ZNF682: variants seen among roughly 807,000 people sequenced by gnomAD.
ZNF682 encodes the protein zinc finger protein 682.
In ZNF682, 29 loss-of-function variants were observed where a neutral mutation model predicts 36.5. The observed-to-expected ratio is 0.80, with a 90% CI of 0.59 to 1.08. The LOEUF (loss-of-function observed/expected upper bound fraction) is 1.08. Among genes scored for constraint, ZNF682 ranks in the 50% least tolerant of loss-of-function variants. The pLI, the probability that ZNF682 is intolerant of heterozygous loss-of-function variation, is 0.00. For synonymous variants in ZNF682, 180 were observed against 197.0 expected (o/e 0.91, Z 0.72); for missense variants, 561 against 579.7 (o/e 0.97, Z 0.33).
intron 3 of ZNF682, among the ~76,000 whole-genome samples, chr19:20,011,399 A>G (rs1387209747): frequency 6.6e-6 from 1 of 152,220 alleles, no homozygotes; most frequent in Non-Finnish European, 1.5e-5. Context: ...TACAGATAGC[A>G]TTACAGATCA....
downstream of ZNF682, among the ~76,000 whole-genome samples, chr19:20,002,305 G>C (rs1436285409): frequency 6.6e-6 from 1 of 150,838 alleles, no homozygotes; most frequent in African/African-American, 2.4e-5. Flanking sequence ...ATGTTGACCA[G>C]GATGGTCTTG....
chr19:20,009,460 A>C (rs1423457993), intron 3 of ZNF682, among the ~76,000 whole-genome samples: 1 of 152,232 alleles, frequency 6.6e-6, no homozygotes, highest in African/African-American at 2.4e-5. Flanking sequence ...ATACGTAAGG[A>C]TATAATCTAC....
intron 3 of ZNF682, among the ~76,000 whole-genome samples, chr19:20,019,261 G>A (rs1016310840): frequency 2.0e-5 from 3 of 152,038 alleles, no homozygotes; most frequent in Admixed American, 6.6e-5. Flanking sequence ...AAAGTGTTAC[G>A]GATATGGAAA....
chr19:20,014,195 T>TA (rs2122333697), intron 3 of ZNF682, among the ~76,000 whole-genome samples: 1 of 152,312 alleles, frequency 6.6e-6, no homozygotes, highest in East Asian at 1.9e-4. Context: ...AAGAAAGGTG[T>TA]TGGAAGCATC....
intron 1 of ZNF682, 28 bp from the exon 2 acceptor site, chr19:20,024,404 C>T (rs1568544320): frequency 6.3e-7 from 1 of 1,594,724 alleles, no homozygotes; most frequent in East Asian, 2.2e-5. Flanking sequence ...ACATAGTGAC[C>T]AACTGTCAAT....
At chr19:20,017,512 C>T (rs1274050473) in intron 3 of ZNF682, among the ~76,000 whole-genome samples, 1 of 152,058 alleles carries the variant, frequency 6.6e-6, no homozygotes, top group Non-Finnish European at 1.5e-5. Flanking sequence ...GAATCTATAA[C>T]ACATATAACT....
intron 1 of ZNF682, among the ~76,000 whole-genome samples, chr19:20,027,735 G>A (rs2088444120): frequency 6.6e-6 from 1 of 151,510 alleles, no homozygotes; most frequent in African/African-American, 2.4e-5. Context: ...CTCCAGCCTG[G>A]GCAACAAGAG....
intron 1 of ZNF682, among the ~76,000 whole-genome samples, chr19:20,025,247 T>C (rs1210700930): frequency 6.6e-6 from 1 of 152,204 alleles, no homozygotes; most frequent in Non-Finnish European, 1.5e-5. Flanking sequence ...AAAGGGAAGT[T>C]TGCAGATTAA....
downstream of ZNF682, among the ~76,000 whole-genome samples, chr19:20,002,775 G>C (rs1224614704): frequency 6.6e-6 from 1 of 152,056 alleles, no homozygotes; most frequent in East Asian, 1.9e-4. Flanking sequence ...GTCTGATGTA[G>C]AGACGTAAGA....
chr19:20,017,544 G>C (rs536865199), intron 3 of ZNF682, among the ~76,000 whole-genome samples: 1 of 152,100 alleles, frequency 6.6e-6, no homozygotes, highest in Admixed American at 6.5e-5. Context: ...ATAACACATA[G>C]CACTCTCAAA....
chr19:20,030,194 T>G (rs562737889), intron 1 of ZNF682, among the ~76,000 whole-genome samples: 1 of 152,298 alleles, frequency 6.6e-6, no homozygotes, highest in South Asian at 2.1e-4. Context: ...AACAAGGAAT[T>G]TAACCAAAAT....
chr19:20,035,794 A>T (rs2088524081), intron 1 of ZNF682, among the ~76,000 whole-genome samples: 1 of 151,114 alleles, frequency 6.6e-6, no homozygotes, highest in Admixed American at 6.6e-5. Context: ...GGAGTGCAGT[A>T]GTGTGATCCT....
intron 3 of ZNF682, among the ~76,000 whole-genome samples, chr19:19,999,404 T>G (rs796566051): frequency 7.5e-6 from 1 of 133,310 alleles, no homozygotes; most frequent in East Asian, 2.4e-4. Context: ...ACACTGAAAT[T>G]TCCTTTGCTT....
downstream of ZNF682, among the ~76,000 whole-genome samples, chr19:20,000,427 A>T (rs2088159463): frequency 6.6e-6 from 1 of 152,184 alleles, no homozygotes; most frequent in African/African-American, 2.4e-5. Flanking sequence ...GTGCACCCAC[A>T]GATAACAGGG....
chr19:20,000,395 C>G (rs2088159231), downstream of ZNF682, among the ~76,000 whole-genome samples: 2 of 152,314 alleles, frequency 1.3e-5, no homozygotes, highest in South Asian at 2.1e-4. Context: ...CAGATGTCCA[C>G]TTAGCCCTCA....
At chr19:20,010,817 T>C (rs2088279188) in intron 3 of ZNF682, among the ~76,000 whole-genome samples, 1 of 151,536 alleles carries the variant, frequency 6.6e-6, no homozygotes, top group Non-Finnish European at 1.5e-5. Flanking sequence ...ATACAAAAAT[T>C]AGCTGGACGT....
intron 3 of ZNF682, among the ~76,000 whole-genome samples, chr19:20,022,665 C>A (rs10417027): frequency 0.78 from 116,498 of 149,448 alleles, 45,505 homozygotes; most frequent in Middle Eastern, 0.87. Flanking sequence ...CTCTCTCTCT[C>A]AAAAAAAAGA....
At chr19:20,009,169 T>C (rs947986584) in intron 3 of ZNF682, among the ~76,000 whole-genome samples, 4 of 152,156 alleles carry the variant, frequency 2.6e-5, no homozygotes, top group Non-Finnish European at 5.9e-5. Flanking sequence ...ACTAGTTCCT[T>C]TGAAAGAACC....
At chr19:19,996,825 A>T (rs2160155), downstream of ZNF682, among the ~76,000 whole-genome samples, 108,095 of 151,878 alleles carry the variant, frequency 0.71, 39,252 homozygotes, top group African/African-American at 0.85. Flanking sequence ...TATTGAAATT[A>T]AAAAAAAGAA....
Sources: gnomAD v4.1 joint callset for allele counts (sites outside exome capture counted in the v4.1 genomes callset) on GRCh38, gnomAD v4.1.1 for gene constraint, MANE v1.5 for transcripts, NCBI Gene and HGNC (gene_info 2026-07-23, HGNC 2026-07-21) for gene names.